The following PDZRN4 variants were observed in gnomAD, a reference collection of about 807,000 sequenced individuals.
The protein encoded by PDZRN4 is PDZ domain containing ring finger 4, also known as PDZ domain-containing RING finger protein 4.
Under a neutral mutation model 99.0 loss-of-function variants are expected in PDZRN4, and 70 were observed. That is an observed-to-expected ratio of 0.71 (90% CI 0.58 to 0.86). PDZRN4 has a LOEUF of 0.86. PDZRN4 is among the 40% of genes least tolerant of loss of function. The pLI is 0.00. For missense variants in PDZRN4, 1,474 were observed against 1,331.2 expected, an observed-to-expected ratio of 1.11 and a Z score of -1.67; for synonymous variants, 551 against 501.6, an observed-to-expected ratio of 1.10 and a Z score of -1.32.
intron 3 of PDZRN4, among the ~76,000 whole-genome samples, chr12:41,225,798 A>G (rs924109375): frequency 1.3e-5 from 2 of 152,120 alleles, no homozygotes; most frequent in Admixed American, 6.6e-5. Context: ...CTTGTTTTGC[A>G]TGTTAATTAT....
At chr12:41,542,263 CACT>C (rs1426807799) in intron 5 of PDZRN4, among the ~76,000 whole-genome samples, 6 of 152,312 alleles carry the variant, frequency 3.9e-5, no homozygotes, top group African/African-American at 1.2e-4. Flanking sequence ...GTGAAAGCAG[CACT>C]ATAGACATTA....
At chr12:41,260,541 C>T (rs1033175703) in intron 3 of PDZRN4, among the ~76,000 whole-genome samples, 3 of 151,972 alleles carry the variant, frequency 2.0e-5, no homozygotes, top group African/African-American at 7.2e-5. Context: ...TACATAACAG[C>T]ATTATGAAAC....
intron 3 of PDZRN4, among the ~76,000 whole-genome samples, chr12:41,452,859 C>A (rs765484092): frequency 6.6e-5 from 10 of 152,100 alleles, no homozygotes; most frequent in Non-Finnish European, 1.3e-4. Context: ...ATTATGTATA[C>A]TGTCTTAGGT....
At chr12:41,223,401 C>T (rs1424926310) in intron 3 of PDZRN4, among the ~76,000 whole-genome samples, 1 of 152,046 alleles carries the variant, frequency 6.6e-6, no homozygotes, top group South Asian at 2.1e-4. Flanking sequence ...CTCCTTCTCT[C>T]CCCCTACCCA....
At chr12:41,373,459 C>A (rs550912602) in intron 3 of PDZRN4, among the ~76,000 whole-genome samples, 1 of 152,200 alleles carries the variant, frequency 6.6e-6, no homozygotes, top group Non-Finnish European at 1.5e-5. Context: ...TTCTCTTTCT[C>A]AGGGATGTTC....
intron 5 of PDZRN4, among the ~76,000 whole-genome samples, chr12:41,535,467 A>T (rs994549858): frequency 6.6e-6 from 1 of 152,190 alleles, no homozygotes; most frequent in African/African-American, 2.4e-5. Flanking sequence ...GGTTTCCATA[A>T]GGCCCAGTTT....
chr12:41,517,344 A>G (rs1414455578), intron 5 of PDZRN4, among the ~76,000 whole-genome samples: 2 of 152,090 alleles, frequency 1.3e-5, no homozygotes, highest in African/African-American at 2.4e-5. Flanking sequence ...GAAGATACTT[A>G]TGATACACAT....
At chr12:41,405,533 G>A (rs1267173991) in intron 3 of PDZRN4, among the ~76,000 whole-genome samples, 1 of 152,204 alleles carries the variant, frequency 6.6e-6, no homozygotes, top group African/African-American at 2.4e-5. Context: ...GGGGAAAGCA[G>A]TTAAGAGATT....
intron 3 of PDZRN4, among the ~76,000 whole-genome samples, chr12:41,432,286 A>T (rs539448027): frequency 6.6e-6 from 1 of 152,342 alleles, no homozygotes; most frequent in East Asian, 1.9e-4. Flanking sequence ...TTTCAAATTT[A>T]TGTTTATGGA....
chr12:41,453,818 G>A (rs1952795260), intron 3 of PDZRN4, among the ~76,000 whole-genome samples: 1 of 151,800 alleles, frequency 6.6e-6, no homozygotes, highest in Non-Finnish European at 1.5e-5. Flanking sequence ...TTTAGAGTGG[G>A]GGGTTTCCCC....
At chr12:41,379,621 G>A (rs936279824) in intron 3 of PDZRN4, among the ~76,000 whole-genome samples, 2 of 151,028 alleles carry the variant, frequency 1.3e-5, no homozygotes, top group African/African-American at 4.9e-5. Context: ...TCTTGTTTAG[G>A]AGTGTGTTGT....
intron 3 of PDZRN4, among the ~76,000 whole-genome samples, chr12:41,322,018 A>C (rs1369598345): frequency 6.6e-6 from 1 of 151,966 alleles, no homozygotes. Flanking sequence ...CACCAATGTT[A>C]AGATTTCCTC....
chr12:41,403,203 G>T (rs1952316654), intron 3 of PDZRN4, among the ~76,000 whole-genome samples: 1 of 152,094 alleles, frequency 6.6e-6, no homozygotes, highest in South Asian at 2.1e-4. Context: ...TTAATACTGA[G>T]CCCCAGGGGC....
chr12:41,521,970 G>A (rs931607291), intron 5 of PDZRN4, among the ~76,000 whole-genome samples: 2 of 152,086 alleles, frequency 1.3e-5, no homozygotes, highest in African/African-American at 4.8e-5. Context: ...GTTTTTCCAA[G>A]GGAATGTTTA....
intron 3 of PDZRN4, among the ~76,000 whole-genome samples, chr12:41,458,362 G>A (rs1952836066): frequency 1.3e-5 from 2 of 152,066 alleles, no homozygotes; most frequent in Non-Finnish European, 1.5e-5. Flanking sequence ...TCACCACATC[G>A]GCCAGGCTGG....
chr12:41,418,512 TA>T (rs995380849), intron 3 of PDZRN4, among the ~76,000 whole-genome samples: 2 of 152,006 alleles, frequency 1.3e-5, no homozygotes, highest in Middle Eastern at 3.2e-3. Context: ...AATCTGAACT[TA>T]AAAAAAATGT....
At chr12:41,546,637 A>T (rs1938957883) in intron 5 of PDZRN4, among the ~76,000 whole-genome samples, 1 of 152,030 alleles carries the variant, frequency 6.6e-6, no homozygotes, top group African/African-American at 2.4e-5. Flanking sequence ...TTAAAAATAA[A>T]GGTTATTTTA....
intron 3 of PDZRN4, among the ~76,000 whole-genome samples, chr12:41,381,617 C>G (rs927808441): frequency 6.6e-6 from 1 of 152,140 alleles, no homozygotes; most frequent in East Asian, 1.9e-4. Flanking sequence ...GTTGAACTTG[C>G]AGTTTTGTTC....
chr12:41,306,886 G>A (rs946217522), intron 3 of PDZRN4, among the ~76,000 whole-genome samples: 2 of 152,004 alleles, frequency 1.3e-5, no homozygotes, highest in Non-Finnish European at 2.9e-5. Context: ...ATTTCCATCT[G>A]AGACCTCCTC....
Sources: allele counts gnomAD v4.1 joint callset (sites outside exome capture counted in the v4.1 genomes callset), GRCh38; gene constraint gnomAD v4.1.1; transcripts MANE v1.5; gene names NCBI Gene and HGNC (gene_info 2026-07-23, HGNC 2026-07-21).